Variants in UNC5D observed in about 807,000 individuals in gnomAD.
The protein encoded by UNC5D is netrin receptor UNC5D.
In UNC5D, 39 loss-of-function variants were observed where a neutral mutation model predicts 105.4. The ratio of observed to expected loss-of-function variants is 0.37; its 90% CI spans 0.29 to 0.48. UNC5D has a LOEUF of 0.48. UNC5D is among the 20% of genes least tolerant of loss of function. The pLI is 0.98. For synonymous variants in UNC5D, 452 were observed against 450.4 expected (o/e 1.00, Z -0.04); for missense variants, 991 against 1,202.4 (o/e 0.82, Z 2.60).
At chr8:35,308,180 G>A (rs997916999) in intron 1 of UNC5D, among the ~76,000 whole-genome samples, 2 of 151,442 alleles carry the variant, frequency 1.3e-5, no homozygotes, top group Admixed American at 6.6e-5. Context: ...AGAGGTGGCA[G>A]CCTTTATTTT....
At chr8:35,406,291 C>T (rs1376978484) in intron 1 of UNC5D, among the ~76,000 whole-genome samples, 1 of 152,034 alleles carries the variant, frequency 6.6e-6, no homozygotes, top group South Asian at 2.1e-4. Context: ...TATTTGCATC[C>T]TGAGGTATTG....
At chr8:35,748,120 A>T (rs1053698803) in intron 11 of UNC5D, among the ~76,000 whole-genome samples, 3 of 152,198 alleles carry the variant, frequency 2.0e-5, no homozygotes, top group Admixed American at 6.5e-5. Flanking sequence ...TTTTCATGAG[A>T]AAGGAATTTG....
At chr8:35,485,494 C>G (rs750877970) in intron 1 of UNC5D, among the ~76,000 whole-genome samples, 2 of 152,074 alleles carry the variant, frequency 1.3e-5, no homozygotes, top group Non-Finnish European at 1.5e-5. Flanking sequence ...AATTATTATT[C>G]CATGATATGG....
At chr8:35,475,586 A>G (rs1029396340) in intron 1 of UNC5D, among the ~76,000 whole-genome samples, 1 of 152,128 alleles carries the variant, frequency 6.6e-6, no homozygotes, top group African/African-American at 2.4e-5. Flanking sequence ...GCTCCTCTCA[A>G]TGGGCTTGTG....
intron 4 of UNC5D, among the ~76,000 whole-genome samples, chr8:35,605,263 G>A (rs1254524034): frequency 2.0e-5 from 3 of 152,220 alleles, no homozygotes; most frequent in Non-Finnish European, 4.4e-5. Context: ...CCTTCTAACA[G>A]TCAGGACTCT....
At chr8:35,647,402 G>GTA (rs1823120881) in intron 4 of UNC5D, among the ~76,000 whole-genome samples, 1 of 151,866 alleles carries the variant, frequency 6.6e-6, no homozygotes. Flanking sequence ...GTGTGTGTGT[G>GTA]TGTGTGTGTG....
At chr8:35,665,775 T>G (rs568130689) in intron 4 of UNC5D, among the ~76,000 whole-genome samples, 1 of 152,100 alleles carries the variant, frequency 6.6e-6, no homozygotes, top group African/African-American at 2.4e-5. Flanking sequence ...ATTATTGAAT[T>G]TATGAATTAT....
At chr8:35,488,422 G>C (rs1300494899) in intron 1 of UNC5D, among the ~76,000 whole-genome samples, 1 of 152,194 alleles carries the variant, frequency 6.6e-6, no homozygotes, top group African/African-American at 2.4e-5. Flanking sequence ...AATCAGCAGG[G>C]GTGCCACTGC....
intron 1 of UNC5D, among the ~76,000 whole-genome samples, chr8:35,536,798 C>T (rs1236928186): frequency 6.6e-6 from 1 of 152,084 alleles, no homozygotes; most frequent in Non-Finnish European, 1.5e-5. Flanking sequence ...GAGTTTGAGA[C>T]CAGCCTGGCC....
chr8:35,714,962 A>G (rs2131502654), intron 8 of UNC5D, among the ~76,000 whole-genome samples: 1 of 152,190 alleles, frequency 6.6e-6, no homozygotes, highest in East Asian at 1.9e-4. Context: ...GACCAGCCTG[A>G]CCAACATGGA....
chr8:35,255,077 A>G (rs1651898017), intron 1 of UNC5D: 1 of 152,226 alleles, frequency 6.6e-6, no homozygotes, highest in African/African-American at 2.4e-5. Flanking sequence ...CACATCTCTC[A>G]TGGTACCCCT....
intron 1 of UNC5D, among the ~76,000 whole-genome samples, chr8:35,452,676 A>G (rs946153527): frequency 1.3e-5 from 2 of 152,208 alleles, no homozygotes; most frequent in African/African-American, 4.8e-5. Flanking sequence ...TGAATTCCTT[A>G]TGATTTAAAG....
At chr8:35,486,124 G>T (rs1249677093) in intron 1 of UNC5D, among the ~76,000 whole-genome samples, 1 of 152,082 alleles carries the variant, frequency 6.6e-6, no homozygotes, top group Non-Finnish European at 1.5e-5. Flanking sequence ...GGAGAGAGTG[G>T]CATATCAATG....
At chr8:35,459,786 T>C (rs1194808440) in intron 1 of UNC5D, among the ~76,000 whole-genome samples, 1 of 152,224 alleles carries the variant, frequency 6.6e-6, no homozygotes, top group African/African-American at 2.4e-5. Context: ...CCTTTCTGTT[T>C]CACTAATGAG....
intron 11 of UNC5D, among the ~76,000 whole-genome samples, chr8:35,746,231 A>G (rs973518565): frequency 6.6e-6 from 1 of 152,164 alleles, no homozygotes; most frequent in Non-Finnish European, 1.5e-5. Context: ...CATCACCTTG[A>G]TTGACTCCTC....
At chr8:35,577,995 C>T (rs993150723) in intron 3 of UNC5D, among the ~76,000 whole-genome samples, 2 of 151,814 alleles carry the variant, frequency 1.3e-5, no homozygotes, top group African/African-American at 4.8e-5. Context: ...GAGGCTGGGG[C>T]GGATGGATCA....
At chr8:35,471,204 C>T (rs1395667076) in intron 1 of UNC5D, among the ~76,000 whole-genome samples, 1 of 152,092 alleles carries the variant, frequency 6.6e-6, no homozygotes, top group African/African-American at 2.4e-5. Flanking sequence ...CCACTAACAA[C>T]CTTTTCATCT....
At chr8:35,429,968 G>A (rs1190666378) in intron 1 of UNC5D, among the ~76,000 whole-genome samples, 1 of 152,104 alleles carries the variant, frequency 6.6e-6, no homozygotes, top group East Asian at 1.9e-4. Flanking sequence ...GTGATATTGT[G>A]AAATATATAT....
rs745672033 is a variant in UNC5D at position 35,387,362 on chromosome 8, C to CAAAAAAAA, written c.103+151481_103+151488dup. On this transcript the variant is annotated intron_variant, in intron 1 of 16. Coordinates refer to ENST00000404895, the MANE Select transcript of UNC5D (RefSeq NM_080872.4). ...TGGGCGACACAGCGAGACTCCATCT[C>CAAAAAAAA]AAAAAAAAAAAAAGAGAAACGCAGA... is the stretch of plus-strand genomic sequence containing the variant. Among the ~76,000 whole-genome samples the CAAAAAAAA allele has an allele frequency of 1.2e-4, 14 of 114,106 alleles. No homozygotes were observed. In the East Asian group the frequency reaches 1.7e-3, roughly 14 times the overall value. 74.9% of individuals were successfully genotyped at this position (114,106 alleles called of 152,430 possible).
Sources: gnomAD v4.1 joint callset for allele counts (sites outside exome capture counted in the v4.1 genomes callset) on GRCh38, gnomAD v4.1.1 for gene constraint, MANE v1.5 for transcripts, NCBI Gene and HGNC (gene_info 2026-07-23, HGNC 2026-07-21) for gene names.